The following NAV3 variants were observed in gnomAD, a reference collection of about 807,000 sequenced individuals.
NAV3 encodes the protein pore membrane and/or filament interacting like protein 1.
NAV3 carries 87 observed loss-of-function variants against 244.7 expected under a neutral mutation model. The ratio of observed to expected loss-of-function variants is 0.36; its 90% CI spans 0.30 to 0.42. The LOEUF (loss-of-function observed/expected upper bound fraction) is 0.42, where lower values mean the gene tolerates loss of function less well. NAV3 is among the 20% of genes least tolerant of loss of function. The pLI, the probability that NAV3 is intolerant of heterozygous loss-of-function variation, is 1.00. For missense variants in NAV3, 2,663 were observed against 2,893.3 expected, an observed-to-expected ratio of 0.92 and a Z score of 1.83; for synonymous variants, 1,126 against 1,042.2, an observed-to-expected ratio of 1.08 and a Z score of -1.55.
intron 2 of NAV3, among the ~76,000 whole-genome samples, chr12:77,721,073 G>A (rs1454441639): frequency 6.6e-6 from 1 of 152,100 alleles, no homozygotes; most frequent in Non-Finnish European, 1.5e-5. Context: ...GTGCTATTGA[G>A]TGAGAGGACC....
At chr12:77,970,820 G>A (rs1166802269) in intron 5 of NAV3, among the ~76,000 whole-genome samples, 1 of 152,010 alleles carries the variant, frequency 6.6e-6, no homozygotes, top group African/African-American at 2.4e-5. Context: ...ATTCTGAAAA[G>A]TGCCAGAAAT....
intron 3 of NAV3, chr12:77,947,607 A>G (rs1565947615): frequency 6.6e-6 from 1 of 152,000 alleles, no homozygotes; most frequent in Non-Finnish European, 1.5e-5. Context: ...GAAAATATTC[A>G]TCTTCTGGAA....
At chr12:77,598,653 C>T (rs750736997) in intron 2 of NAV3, among the ~76,000 whole-genome samples, 1 of 151,814 alleles carries the variant, frequency 6.6e-6, no homozygotes, top group Non-Finnish European at 1.5e-5. Flanking sequence ...TATGGATACA[C>T]CCGGGAAACC....
intron 2 of NAV3, among the ~76,000 whole-genome samples, chr12:77,652,862 A>G (rs1028264408): frequency 1.3e-5 from 2 of 152,246 alleles, no homozygotes; most frequent in Non-Finnish European, 2.9e-5. Flanking sequence ...TACTGTAATC[A>G]GCATGTGTCT....
intron 2 of NAV3, among the ~76,000 whole-genome samples, chr12:77,736,409 A>G (rs1039355819): frequency 6.6e-6 from 1 of 152,132 alleles, no homozygotes; most frequent in Non-Finnish European, 1.5e-5. Flanking sequence ...GCTCAGCTGA[A>G]TGGTTCTTAT....
At chr12:77,824,521 C>A (rs1022966729) in intron 2 of NAV3, among the ~76,000 whole-genome samples, 23 of 151,914 alleles carry the variant, frequency 1.5e-4, no homozygotes, top group African/African-American at 5.6e-4. Context: ...TTAGAAGAAA[C>A]TAAAAAGTTT....
At chr12:77,760,662 G>C (rs1292032815) in intron 2 of NAV3, among the ~76,000 whole-genome samples, 2 of 152,126 alleles carry the variant, frequency 1.3e-5, no homozygotes. Context: ...AGTCATATGA[G>C]GCTTCGTATG....
At chr12:77,711,480 A>T (rs1360874578) in intron 2 of NAV3, among the ~76,000 whole-genome samples, 1 of 152,234 alleles carries the variant, frequency 6.6e-6, no homozygotes, top group African/African-American at 2.4e-5. Flanking sequence ...ATTGCTGAAA[A>T]TGGGAAAAGG....
At chr12:78,015,941 T>C (rs1038956083) in intron 8 of NAV3, among the ~76,000 whole-genome samples, 2 of 152,146 alleles carry the variant, frequency 1.3e-5, no homozygotes, top group African/African-American at 2.4e-5. Context: ...AGATTTCTAC[T>C]GTATTTGTTA....
intron 28 of NAV3, 160 bp from the exon 29 acceptor site, chr12:78,179,369 C>T: frequency 5.8e-6 from 4 of 686,110 alleles, no homozygotes; most frequent in Non-Finnish European, 9.2e-6. Context: ...GAATGCATAA[C>T]CGTTTGTAAA....
At chr12:78,007,757 A>G (rs1874494861) in intron 8 of NAV3, among the ~76,000 whole-genome samples, 1 of 152,210 alleles carries the variant, frequency 6.6e-6, no homozygotes, top group Non-Finnish European at 1.5e-5. Context: ...TATTATTGCT[A>G]CTACTATACT....
intron 4 of NAV3, among the ~76,000 whole-genome samples, chr12:77,967,699 G>A (rs1005135632): frequency 4.6e-5 from 7 of 151,900 alleles, no homozygotes; most frequent in African/African-American, 1.7e-4. Context: ...TATAACTACA[G>A]GAGAAAAATG....
chr12:77,574,032 T>C (rs571074951), intron 2 of NAV3, among the ~76,000 whole-genome samples: 2 of 152,236 alleles, frequency 1.3e-5, no homozygotes, highest in East Asian at 3.9e-4. Context: ...CTAATAGTAA[T>C]AGAATTTAGA....
At chr12:77,623,130 G>T (rs1871457182) in intron 2 of NAV3, among the ~76,000 whole-genome samples, 1 of 152,100 alleles carries the variant, frequency 6.6e-6, no homozygotes, top group Admixed American at 6.5e-5. Flanking sequence ...AGGATGGACT[G>T]TAAACTAGAA....
At chr12:78,107,284 C>A (rs1467375152) in intron 12 of NAV3, among the ~76,000 whole-genome samples, 2 of 151,982 alleles carry the variant, frequency 1.3e-5, no homozygotes. Context: ...ATTATAGATA[C>A]CCCTGAGAGT....
At chr12:77,997,905 T>C (rs923533622) in intron 6 of NAV3, among the ~76,000 whole-genome samples, 2 of 152,228 alleles carry the variant, frequency 1.3e-5, no homozygotes, top group African/African-American at 4.8e-5. Context: ...ACTATATAAC[T>C]ACCTACAATA....
intron 8 of NAV3, among the ~76,000 whole-genome samples, chr12:78,017,340 A>G (rs1384873453): frequency 3.3e-5 from 5 of 152,122 alleles, no homozygotes; most frequent in African/African-American, 1.2e-4. Flanking sequence ...GGCTGAGGTG[A>G]GAGCATCTCT....
At chr12:77,940,008 A>C (rs909375732) in intron 1 of NAV3, among the ~76,000 whole-genome samples, 1 of 151,444 alleles carries the variant, frequency 6.6e-6, no homozygotes, top group East Asian at 1.9e-4. Flanking sequence ...TAGAAACAAT[A>C]AAGAGAGAGA....
At chr12:78,051,797 T>G (rs1416833144) in intron 11 of NAV3, among the ~76,000 whole-genome samples, 2 of 152,236 alleles carry the variant, frequency 1.3e-5, no homozygotes, top group African/African-American at 4.8e-5. Context: ...CAATAGGATA[T>G]TCTATTAATA....
Sources: gnomAD v4.1 joint callset for allele counts (sites outside exome capture counted in the v4.1 genomes callset) on GRCh38, gnomAD v4.1.1 for gene constraint, MANE v1.5 for transcripts, NCBI Gene and HGNC (gene_info 2026-07-23, HGNC 2026-07-21) for gene names.